The following CALN1 variants were observed in gnomAD, a reference collection of about 807,000 sequenced individuals.
CALN1 encodes calcium-binding protein 8.
CALN1 carries 17 observed loss-of-function variants against 30.6 expected under a neutral mutation model. The observed-to-expected ratio is 0.56, with a 90% CI of 0.38 to 0.83. CALN1 has a LOEUF of 0.83. Ranked by LOEUF, CALN1 falls within the 40% of genes least tolerant of loss-of-function variation. CALN1 has a pLI of 0.00. For synonymous variants in CALN1, 156 were observed against 131.4 expected, an observed-to-expected ratio of 1.19 and a Z score of -1.28; for missense variants, 291 against 354.9, an observed-to-expected ratio of 0.82 and a Z score of 1.45.
At chr7:72,198,862 A>C (rs1791221129) in intron 3 of CALN1, among the ~76,000 whole-genome samples, 2 of 152,306 alleles carry the variant, frequency 1.3e-5, no homozygotes, top group Non-Finnish European at 2.9e-5. Context: ...ACAGCCAGAG[A>C]AAAGCACTGA....
Position 72,235,783 on chromosome 7 carries a change from C to T in CALN1, c.244+42903G>A, listed in dbSNP as rs138642810. Among the ~76,000 whole-genome samples the T allele has an allele frequency of 6.4e-4, 97 of 151,662 alleles. 1 individual carries two copies. In the East Asian group the frequency reaches 0.018, roughly 29 times the overall value. ...GCCCCATCACCCCTTGGCCATGTAG[C>T]CCTGGAAGGCCAAGTTACAACCACT... On this transcript the variant is annotated intron_variant, in intron 3 of 6. Transcript: ENST00000395275.
intron 3 of CALN1, among the ~76,000 whole-genome samples, chr7:72,126,428 C>T (rs577764118): frequency 7.7e-6 from 1 of 129,864 alleles, no homozygotes; most frequent in East Asian, 1.9e-4. Context: ...TTGTTGGCTG[C>T]TATAAACATG....
intron 3 of CALN1, among the ~76,000 whole-genome samples, chr7:72,133,035 G>A (rs572478190): frequency 1.8e-3 from 275 of 152,208 alleles, no homozygotes; most frequent in African/African-American, 6.1e-3. Context: ...AATGCTTGAT[G>A]ATCTGAGGTG....
chr7:72,057,658 T>C (rs1189324863), intron 4 of CALN1, among the ~76,000 whole-genome samples: 1 of 152,144 alleles, frequency 6.6e-6, no homozygotes, highest in Non-Finnish European at 1.5e-5. Context: ...TACTTGATAT[T>C]GTATTGTGAA....
At chr7:72,431,090 C>T (rs1342492866) in intron 1 of CALN1, among the ~76,000 whole-genome samples, 35 of 151,738 alleles carry the variant, frequency 2.3e-4, no homozygotes, top group Admixed American at 1.3e-4. Flanking sequence ...CCACCACACC[C>T]GGCTAATTTT....
chr7:72,322,137 G>C (rs1239195557), intron 2 of CALN1, among the ~76,000 whole-genome samples: 1 of 152,114 alleles, frequency 6.6e-6, no homozygotes, highest in African/African-American at 2.4e-5. Flanking sequence ...TGGGAGCCCT[G>C]AGCTTATTTT....
At chr7:72,310,701 C>A (rs1008837967) in intron 2 of CALN1, among the ~76,000 whole-genome samples, 1 of 151,692 alleles carries the variant, frequency 6.6e-6, no homozygotes, top group African/African-American at 2.4e-5. Context: ...GCCGGGAGTT[C>A]GAGACCAGCC....
At chr7:72,140,750 G>A (rs913685981) in intron 3 of CALN1, among the ~76,000 whole-genome samples, 2 of 152,218 alleles carry the variant, frequency 1.3e-5, no homozygotes, top group Non-Finnish European at 2.9e-5. Context: ...GGAACCAAAT[G>A]AGTGTTCAAG....
chr7:72,455,954 A>G, the CALN1 span, among the ~76,000 whole-genome samples: 4 of 152,148 alleles, frequency 2.6e-5, no homozygotes, highest in African/African-American at 7.2e-5. Flanking sequence ...TGGGAGGCCA[A>G]GGCGGGCAGA....
chr7:72,010,201 G>A (rs538902522), intron 5 of CALN1, among the ~76,000 whole-genome samples: 4 of 152,246 alleles, frequency 2.6e-5, no homozygotes, highest in Non-Finnish European at 4.4e-5. Context: ...CGGGCCCTTT[G>A]AGAGCTGATT....
At chr7:72,316,783 A>G (rs1800479254) in intron 2 of CALN1, among the ~76,000 whole-genome samples, 2 of 151,824 alleles carry the variant, frequency 1.3e-5, no homozygotes, top group Non-Finnish European at 2.9e-5. Flanking sequence ...TGTTTCTACA[A>G]AAAACTTAGA....
At chr7:72,158,724 G>A (rs1282579699) in intron 3 of CALN1, among the ~76,000 whole-genome samples, 1 of 152,186 alleles carries the variant, frequency 6.6e-6, no homozygotes, top group Non-Finnish European at 1.5e-5. Context: ...TGATGCTGAG[G>A]ACTGAGGCAT....
In CALN1 at chr7:71,779,528, AAAT is replaced by A. The variant is rs1438425400; in HGVS notation, c.*8244_*8246del. On this transcript the variant is annotated 3_prime_UTR_variant, in exon 7 of 7. Transcript: ENST00000395275. Reference sequence around the variant, plus strand: ...AAAACTTTTATTTTTTCTATTGCATAAATAATGGTAAATTAGACTCTTTTTATA... The same window carrying A: ...AAAACTTTTATTTTTTCTATTGCATAAATGGTAAATTAGACTCTTTTTATA... 2.0e-5 allele frequency: 3 copies of A among 152,214 alleles called. No homozygotes were observed. The highest frequency in any genetic ancestry group is 4.4e-5 in the Non-Finnish European group (3 of 68,048). The allele number at this position is 152,214 out of a possible 1,614,324, so 9.4% of individuals were successfully genotyped here. A position where few individuals can be genotyped will look rare whatever the true frequency, so the allele number is the denominator to read the frequency against.
At chr7:72,267,738 G>A (rs1562816247) in intron 3 of CALN1, among the ~76,000 whole-genome samples, 2 of 152,234 alleles carry the variant, frequency 1.3e-5, no homozygotes, top group Non-Finnish European at 2.9e-5. Context: ...CGGGTGTGTT[G>A]ACTCACATCT....
At chr7:72,035,817 T>A (rs112611293) in intron 4 of CALN1, among the ~76,000 whole-genome samples, 1 of 152,340 alleles carries the variant, frequency 6.6e-6, no homozygotes, top group African/African-American at 2.4e-5. Flanking sequence ...CACAAACTAG[T>A]AATTTTTGAA....
intron 5 of CALN1, among the ~76,000 whole-genome samples, chr7:71,955,955 C>T (rs1025847734): frequency 1.3e-4 from 19 of 151,234 alleles, no homozygotes; most frequent in African/African-American, 4.6e-4. Context: ...AAGCCCCCAA[C>T]CGAGATAGTA....
At chr7:72,343,965 A>C in intron 2 of CALN1, among the ~76,000 whole-genome samples, 1 of 152,212 alleles carries the variant, frequency 6.6e-6, no homozygotes, top group Non-Finnish European at 1.5e-5. Context: ...ACATGTCTTA[A>C]AGACACTGCC....
intron 4 of CALN1, among the ~76,000 whole-genome samples, chr7:72,053,750 A>G (rs1323585884): frequency 6.6e-6 from 1 of 152,120 alleles, no homozygotes; most frequent in Non-Finnish European, 1.5e-5. Flanking sequence ...CCAGCAGTAT[A>G]CACTGCACCA....
At chr7:72,131,496 T>G (rs546725943) in intron 3 of CALN1, among the ~76,000 whole-genome samples, 1 of 152,276 alleles carries the variant, frequency 6.6e-6, no homozygotes, top group South Asian at 2.1e-4. Context: ...AACAAAAATC[T>G]TGCTCCATTC....
Sources: allele counts gnomAD v4.1 joint callset (sites outside exome capture counted in the v4.1 genomes callset), GRCh38; gene constraint gnomAD v4.1.1; transcripts MANE v1.5; gene names NCBI Gene and HGNC (gene_info 2026-07-23, HGNC 2026-07-21).